Variants in XYLT1 observed in about 807,000 individuals in gnomAD.
XYLT1 encodes beta-D-xylosyltransferase 1.
In XYLT1, 36 loss-of-function variants were observed where a neutral mutation model predicts 91.3. The ratio of observed to expected loss-of-function variants is 0.39; its 90% confidence interval spans 0.30 to 0.52. The LOEUF is 0.52. Among genes scored for constraint, XYLT1 ranks in the 20% least tolerant of loss-of-function variants. The pLI is 0.68. For missense variants in XYLT1, 1,242 were observed against 1,284.5 expected (o/e 0.97, Z 0.51); for synonymous variants, 588 against 532.0 (o/e 1.11, Z -1.45).
Position 17,134,484 on chromosome 16 carries a change from C to T in XYLT1, c.2016G>A (p.Glu672=). 6.2e-7 allele frequency: 1 copy of T among 1,614,122 alleles called. No individual in the cohort carries two copies. Among genetic ancestry groups the T allele is most frequent in the Non-Finnish European group, 8.5e-7 (1 of 1,180,034 alleles). Residue 672 remains glutamate (E), a synonymous_variant, in exon 9 of 12, where the codon GAG becomes GAA. Transcript: ENST00000261381. Reference sequence around the variant, plus strand: ...CATATAGGGCTCACCGGCAGCTGTTCTCCCCATCCGTGTGCAGGGACGTCT... The same window carrying T: ...CATATAGGGCTCACCGGCAGCTGTTTTCCCCATCCGTGTGCAGGGACGTCT... ...RAETSLHTDG[E]NSCRYYPMGH... is the part of the protein sequence containing the mutation.
At chr16:17,160,413 C>A (rs1222726839) in intron 5 of XYLT1, among the ~76,000 whole-genome samples, 2 of 152,188 alleles carry the variant, frequency 1.3e-5, no homozygotes, top group African/African-American at 4.8e-5. Context: ...CCACTCCAAG[C>A]CCCTGTTCTC....
At chr16:17,196,866 T>G (rs2032436172) in intron 5 of XYLT1, among the ~76,000 whole-genome samples, 1 of 151,724 alleles carries the variant, frequency 6.6e-6, no homozygotes, top group Non-Finnish European at 1.5e-5. Flanking sequence ...GCCAGGAGTT[T>G]GAGACCAACA....
At chr16:17,169,414 T>A (rs1370821175) in intron 5 of XYLT1, among the ~76,000 whole-genome samples, 2 of 152,240 alleles carry the variant, frequency 1.3e-5, no homozygotes, top group Non-Finnish European at 2.9e-5. Context: ...GCAAACCATT[T>A]CACAAAGCCT....
intron 2 of XYLT1, among the ~76,000 whole-genome samples, chr16:17,320,310 A>C (rs1304936672): frequency 6.6e-6 from 1 of 152,054 alleles, no homozygotes; most frequent in Non-Finnish European, 1.5e-5. Flanking sequence ...GATGGGTGAA[A>C]GTTTGGCATT....
intron 1 of XYLT1, among the ~76,000 whole-genome samples, chr16:17,359,076 T>G (rs946634306): frequency 1.3e-5 from 2 of 152,074 alleles, no homozygotes; most frequent in African/African-American, 4.8e-5. Context: ...TGGTGTCCAG[T>G]GAGTGGTTTC....
intron 1 of XYLT1, among the ~76,000 whole-genome samples, chr16:17,358,712 T>C (rs1284186945): frequency 6.6e-6 from 1 of 152,078 alleles, no homozygotes; most frequent in African/African-American, 2.4e-5. Flanking sequence ...ATCCAAACCC[T>C]CTATAAGGAG....
At chr16:17,380,220 G>A (rs907770688) in intron 1 of XYLT1, among the ~76,000 whole-genome samples, 3 of 152,158 alleles carry the variant, frequency 2.0e-5, no homozygotes, top group African/African-American at 7.2e-5. Context: ...CCCAGGAGGC[G>A]GAGGTTGCAG....
At chr16:17,327,529 A>AT (rs1333688988) in intron 2 of XYLT1, among the ~76,000 whole-genome samples, 2 of 142,816 alleles carry the variant, frequency 1.4e-5, no homozygotes. Context: ...TGCCCGGCTA[A>AT]TTTTTTGTAT....
chr16:17,207,606 C>T (rs1325559396), intron 3 of XYLT1, among the ~76,000 whole-genome samples: 1 of 152,188 alleles, frequency 6.6e-6, no homozygotes, highest in African/African-American at 2.4e-5. Flanking sequence ...TGGCTGTCTC[C>T]TCTCATCCAG....
At chr16:17,143,336 G>C (rs531055679) in intron 6 of XYLT1, among the ~76,000 whole-genome samples, 6 of 152,044 alleles carry the variant, frequency 3.9e-5, no homozygotes, top group African/African-American at 1.4e-4. Context: ...TACGTGCCAG[G>C]TACTGTGCTG....
chr16:17,387,775 C>T (rs1405645268), intron 1 of XYLT1, among the ~76,000 whole-genome samples: 1 of 152,200 alleles, frequency 6.6e-6, no homozygotes, highest in Non-Finnish European at 1.5e-5. Flanking sequence ...GTCCAAGAAC[C>T]TTTCCTAACC....
chr16:17,376,500 A>T (rs926263125), intron 1 of XYLT1, among the ~76,000 whole-genome samples: 6 of 152,160 alleles, frequency 3.9e-5, no homozygotes, highest in Non-Finnish European at 4.4e-5. Flanking sequence ...GAAGGGCCTA[A>T]AACAGATTTG....
chr16:17,210,915 C>T (rs1379326734), intron 3 of XYLT1, among the ~76,000 whole-genome samples: 1 of 152,186 alleles, frequency 6.6e-6, no homozygotes, highest in African/African-American at 2.4e-5. Flanking sequence ...AAGCAGAATC[C>T]TGCCCCCAGA....
chr16:17,404,393 C>T (rs1000876625), intron 1 of XYLT1, among the ~76,000 whole-genome samples: 6 of 152,170 alleles, frequency 3.9e-5, no homozygotes, highest in Non-Finnish European at 5.9e-5. Context: ...AAGTCAAAAC[C>T]GTAACAGCCA....
At chr16:17,334,630 C>A (rs2034950504) in intron 2 of XYLT1, among the ~76,000 whole-genome samples, 1 of 152,100 alleles carries the variant, frequency 6.6e-6, no homozygotes, top group African/African-American at 2.4e-5. Context: ...CCCGAGGGGA[C>A]CTTGCAGTCT....
rs919247037 is a variant in XYLT1 at position 17,258,951 on chromosome 16, G to A, written c.913+37C>T. ...GCTGGGCAGGAGGAGGAAGTGGCCA[G>A]GAGATCCCTCTCTGAGCCAGCGGGG... On this transcript the variant is annotated intron_variant, in intron 3 of 11. Transcript: ENST00000261381. 2.7e-6 allele frequency: 4 copies of A among 1,481,290 alleles called. No homozygotes were observed. The African/African-American group carries it at 4.2e-5, about 16-fold the overall frequency. 91.8% of individuals were successfully genotyped at this position (1,481,290 alleles called of 1,614,324 possible).
At chr16:17,302,235 A>C (rs56122350) in intron 2 of XYLT1, among the ~76,000 whole-genome samples, 17,416 of 151,240 alleles carry the variant, frequency 0.12, 1,027 homozygotes, top group Non-Finnish European at 0.13. Flanking sequence ...ACTACTAATA[A>C]TAATAATAAT....
At position 17,399,551 on chromosome 16, in the gene XYLT1, G is replaced by A. The variant is rs543935724; in HGVS notation, c.364-41501C>T. On this transcript the variant is annotated intron_variant, in intron 1 of 11. Transcript: ENST00000261381. ...GATGCTTTAGCATCTACATGCAACCGCAGCTGCCAGCATCATGCCCCGGTT... is the reference window on the plus strand; with the variant it reads ...GATGCTTTAGCATCTACATGCAACCACAGCTGCCAGCATCATGCCCCGGTT... Among the ~76,000 whole-genome samples, 29 of 152,340 alleles carry A rather than the reference G, an allele frequency of 1.9e-4. No homozygotes were observed. The East Asian group carries it at 5.0e-3, about 26-fold the overall frequency.
intron 5 of XYLT1, among the ~76,000 whole-genome samples, chr16:17,161,536 A>G (rs1332453103): frequency 6.6e-6 from 1 of 152,130 alleles, no homozygotes; most frequent in Non-Finnish European, 1.5e-5. Flanking sequence ...CCAAAGGGAG[A>G]TGGAATTTGG....
Sources: gnomAD v4.1 joint callset for allele counts (sites outside exome capture counted in the v4.1 genomes callset) on GRCh38, gnomAD v4.1.1 for gene constraint, MANE v1.5 for transcripts, NCBI Gene and HGNC (gene_info 2026-07-23, HGNC 2026-07-21) for gene names.